RYR1: variants seen among roughly 807,000 people sequenced by gnomAD.
RYR1 encodes the protein ryanodine receptor 1.
A neutral mutation model predicts 583.5 loss-of-function variants in RYR1; 342 were observed. That is an observed-to-expected ratio of 0.59 (90% CI 0.54 to 0.64). The LOEUF (loss-of-function observed/expected upper bound fraction) is 0.64. Among genes scored for constraint, RYR1 ranks in the 30% least tolerant of loss-of-function variants. The pLI is 0.00. For synonymous variants in RYR1, 2,791 were observed against 2,822.5 expected, an observed-to-expected ratio of 0.99 and a Z score of 0.35; for missense variants, 6,032 against 6,917.2, an observed-to-expected ratio of 0.87 and a Z score of 4.54.
Position 38,502,889 on chromosome 19 carries a change from C to G in RYR1, c.7845C>G (p.Arg2615=). The change falls in exon 49 of 106, where the codon CGC becomes CGG. Residue 2615 remains arginine (R), a synonymous_variant. Coordinates refer to ENST00000359596, the MANE Select transcript of RYR1 (RefSeq NM_000540.3). ...GTGCATTGTCCCGCAGGTACATCCG[C>G]CCGTCGATGCTGCAGCACCTGTTGC... ...DCLMSLCRYI[R]PSMLQHLLRR... 6.2e-7 allele frequency: 1 copy of G among 1,611,202 alleles called. No homozygotes were observed. The highest frequency in any genetic ancestry group is 8.5e-7 in the Non-Finnish European group (1 of 1,179,978).
chr19:38,499,809 G>A lies in RYR1; in HGVS notation c.7202G>A (p.Arg2401Gln), dbSNP rs370007152. 9 of 1,605,100 alleles carry A rather than the reference G, an allele frequency of 5.6e-6. No individual in the cohort carries two copies. Among genetic ancestry groups the A allele is most frequent in the East Asian group, 2.2e-5 (1 of 44,784 alleles). The change falls in exon 44 of 106, where the codon CGG (arginine) becomes CAG (glutamine). Residue 2401 changes from arginine to glutamine, a missense_variant. This residue lies in a region of RYR1 where 2,627 missense variants were observed against 2,961.3 expected (regional missense o/e 0.89). Coordinates refer to ENST00000359596, the MANE Select transcript of RYR1 (RefSeq NM_000540.3). This position sits in a 1 kb window ranked among gnomAD's most constrained non-coding sequence, Gnocchi z 7.3. Reference protein sequence around the residue: ...ARDGPGIRRDRRREHFGEEPP... With the variant: ...ARDGPGIRRDQRREHFGEEPP... ...GATGGCCCAGGCATCCGCAGGGACC[G>A]GCGGCGCGAGCAGTGAGTCTCCCGG...
Position 38,506,477 on chromosome 19 carries a change from G to A in RYR1, c.8623G>A (p.Ala2875Thr). The A allele has an allele frequency of 6.2e-7, 1 of 1,614,080 alleles. No individual in the cohort carries two copies. Among genetic ancestry groups the A allele is most frequent in the Non-Finnish European group, 8.5e-7 (1 of 1,180,020 alleles). ...ACTCTGCATCCACTCCCAGGCCATGGCAGAACAACTGGCAGAAAATTACCA... is the reference window on the plus strand; with the variant it reads ...ACTCTGCATCCACTCCCAGGCCATGACAGAACAACTGGCAGAAAATTACCA... ...VTLSRELQAM[A>T]EQLAENYHNT... Residue 2875 changes from alanine to threonine, a missense_variant, in exon 56 of 106, where the codon GCA (alanine) becomes ACA (threonine). Ala to Thr is a moderately conservative substitution (Grantham distance 58, BLOSUM62 0). Transcript: ENST00000359596.
intron 48 of RYR1, 31 bp from the exon 49 acceptor site, chr19:38,502,849 G>A (rs530003664): frequency 8.1e-6 from 13 of 1,602,916 alleles, no homozygotes; most frequent in East Asian, 4.5e-5. Flanking sequence ...GCCTGGACGG[G>A]GGATTCTACA....
intron 60 of RYR1, among the ~76,000 whole-genome samples, chr19:38,511,227 TG>T (rs1279827038): frequency 6.6e-6 from 1 of 151,978 alleles, no homozygotes; most frequent in African/African-American, 2.4e-5. Flanking sequence ...ACCCAGGAGT[TG>T]GAGGCTGCAG....
intron 54 of RYR1, 122 bp from the exon 55 acceptor site, chr19:38,506,181 A>T: frequency 4.0e-6 from 4 of 1,002,660 alleles, no homozygotes; most frequent in South Asian, 1.3e-5. Flanking sequence ...GGAAAGGACA[A>T]GGGGTCTTGA....
intron 31 of RYR1, among the ~76,000 whole-genome samples, chr19:38,480,690 C>A (rs982523655): frequency 2.0e-5 from 3 of 151,964 alleles, no homozygotes; most frequent in South Asian, 2.1e-4. Flanking sequence ...TTTACCATTT[C>A]TTTGTTTGAA....
chr19:38,483,445 G>T lies in RYR1; in HGVS notation c.4863G>T (p.Glu1621Asp), dbSNP rs1183882154. 1 of 1,573,662 alleles carries T rather than the reference G, an allele frequency of 6.4e-7. No individual in the cohort carries two copies. Reference protein sequence around the residue: ...FLQVETRRAGERLGWAVQCQE... With the variant: ...FLQVETRRAGDRLGWAVQCQE... ...AGGTGGAGACGAGGCGTGCCGGCGA[G>T]CGGCTGGGCTGGGCCGTGCAGTGCC... The change falls in exon 33 of 106, where the codon GAG becomes GAT. Residue 1621 changes from glutamate to aspartate, a missense_variant. Physicochemically the swap from Glu to Asp is conservative, Grantham distance 45 (BLOSUM62 2). Around this residue, in one of 11 missense-constraint regions of RYR1, gnomAD observed 2,627 missense variants for 2,961.3 expected, o/e 0.89. Transcript: ENST00000359596. The surrounding 1 kb of genome is among the most constrained non-coding windows in gnomAD (Gnocchi z 6.3).
At chr19:38,571,238 GACTGCCCACTGGCGCATGACGATAGGCA>G (rs1973699782) in intron 94 of RYR1, among the ~76,000 whole-genome samples, 1 of 152,100 alleles carries the variant, frequency 6.6e-6, no homozygotes, top group South Asian at 2.1e-4. Flanking sequence ...CCCACAGTGG[GACTGCCCACTGGCGCATGACGATAGGCA>G]AGGTGCTTAC....
rs745686046 is a variant in RYR1, at chr19:38,433,785, C to T, written c.-45C>T. On this transcript the variant is annotated 5_prime_UTR_variant, in exon 1 of 106. Coordinates refer to ENST00000359596, the MANE Select transcript of RYR1 (RefSeq NM_000540.3). The stretch of plus-strand genomic sequence containing the variant: ...CTCCCGCCCAGCCCGCAGCCCCCTC[C>T]CTCTGTTCCCCGACCTCAGACCCTG... 4 of 1,396,900 alleles carry T rather than the reference C, an allele frequency of 2.9e-6. No individual in the cohort carries two copies. Among genetic ancestry groups the T allele is most frequent in the Non-Finnish European group, 4.1e-6 (4 of 983,310 alleles). The allele number at this position is 1,396,900 out of a possible 1,614,324, so 86.5% of individuals were successfully genotyped here. A position where few individuals can be genotyped will look rare whatever the true frequency, so the allele number is the denominator to read the frequency against.
At position 38,512,124 on chromosome 19, in the gene RYR1, G is replaced by T; in HGVS notation, c.9225G>T (p.Leu3075=). The T allele has an allele frequency of 6.2e-7, 1 of 1,614,172 alleles. No individual in the cohort carries two copies. Reference sequence around the variant, plus strand: ...GTCTTCACATCCTGGCCCGCTCCCTGGATGCCAGGTAGGGCCATAGGCAGT... The same window carrying T: ...GTCTTCACATCCTGGCCCGCTCCCTTGATGCCAGGTAGGGCCATAGGCAGT... ...VNCLHILARS[L]DARTVMKSGP... Residue 3075 remains leucine (L), a synonymous_variant, in exon 62 of 106, where the codon CTG becomes CTT. Transcript: ENST00000359596. The surrounding 1 kb of genome is among the most constrained non-coding windows in gnomAD (Gnocchi z 5.1).
chr19:38,444,842 C>T lies in RYR1; in HGVS notation c.631+165C>T, dbSNP rs1463534789. Among the ~76,000 whole-genome samples, 1 of 151,270 alleles carries T rather than the reference C, an allele frequency of 6.6e-6. No individual in the cohort carries two copies. Among genetic ancestry groups the T allele is most frequent in the East Asian group, 2.0e-4 (1 of 5,110 alleles). On this transcript the variant is annotated intron_variant, in intron 7 of 105. Coordinates refer to ENST00000359596, the MANE Select transcript of RYR1 (RefSeq NM_000540.3). The surrounding 1 kb of genome is among the most constrained non-coding windows in gnomAD (Gnocchi z 5.1). ...TCTCCAGCTGACCCCAAATCCAGAC[C>T]CCCAGAGCTCAGAACCCCCCCAAAC...
intron 78 of RYR1, among the ~76,000 whole-genome samples, chr19:38,533,073 G>A (rs1049054207): frequency 2.0e-5 from 3 of 152,010 alleles, no homozygotes; most frequent in Middle Eastern, 3.4e-3. Flanking sequence ...AACCTCAGGG[G>A]GATAAAGCAG....
intron 54 of RYR1, 147 bp from the exon 55 acceptor site, chr19:38,506,156 G>C (rs1568512825): frequency 9.6e-7 from 1 of 1,042,182 alleles, no homozygotes; most frequent in Non-Finnish European, 1.4e-6. Context: ...GGGTGGTTTA[G>C]AGACAGGGCC....
At chr19:38,579,843 C>T in intron 99 of RYR1, 139 bp from the exon 100 acceptor site, 1 of 1,077,910 alleles carries the variant, frequency 9.3e-7, no homozygotes, top group Admixed American at 1.7e-5. Flanking sequence ...CCGGAATGCC[C>T]TGATCCTCCA....
intron 37 of RYR1, among the ~76,000 whole-genome samples, chr19:38,491,864 A>T (rs1969566877): frequency 6.6e-6 from 1 of 152,032 alleles, no homozygotes; most frequent in Non-Finnish European, 1.5e-5. Flanking sequence ...TATTTCAGTT[A>T]TTTTATTTTT....
At chr19:38,576,192 G>A (rs1400410018) in intron 97 of RYR1, among the ~76,000 whole-genome samples, 1 of 152,226 alleles carries the variant, frequency 6.6e-6, no homozygotes, top group Non-Finnish European at 1.5e-5. Context: ...GGTGGCTCAC[G>A]CCTGTAATCC....
intron 82 of RYR1, 152 bp downstream of exon 82, chr19:38,536,222 C>CCAGTCCCA: frequency 1.5e-6 from 1 of 684,396 alleles, no homozygotes; most frequent in South Asian, 1.7e-5. Flanking sequence ...CTGTGGTCCC[C>CCAGTCCCA]CAGTCCCACC....
chr19:38,509,748 C>T (rs984210777), intron 58 of RYR1, among the ~76,000 whole-genome samples: 6 of 152,156 alleles, frequency 3.9e-5, no homozygotes, highest in Non-Finnish European at 7.3e-5. Context: ...TGAGCCACTG[C>T]GCCCGGCCCA....
At chr19:38,555,225 T>C (rs1365935906) in intron 89 of RYR1, among the ~76,000 whole-genome samples, 1 of 151,638 alleles carries the variant, frequency 6.6e-6, no homozygotes, top group Non-Finnish European at 1.5e-5. Flanking sequence ...TCCAAGAGAG[T>C]GGACTGTTTG....
Sources: gnomAD v4.1 joint callset for allele counts (sites outside exome capture counted in the v4.1 genomes callset) on GRCh38, gnomAD v4.1.1 for gene constraint, gnomAD v4.1.1 regional missense constraint, Gnocchi (gnomAD v3.1) non-coding constraint, MANE v1.5 for transcripts, NCBI Gene and HGNC (gene_info 2026-07-23, HGNC 2026-07-21) for gene names.